MELK: variants seen among roughly 807,000 people sequenced by gnomAD.
MELK encodes maternal embryonic leucine zipper kinase, also known as pEg3 kinase.
A neutral mutation model predicts 85.0 loss-of-function variants in MELK; 81 were observed. That is an observed-to-expected ratio of 0.95 (90% CI 0.80 to 1.15). The LOEUF (loss-of-function observed/expected upper bound fraction) is 1.15, where lower values mean the gene tolerates loss of function less well. Among genes scored for constraint, MELK ranks in the 50% most tolerant of loss-of-function variants. MELK has a pLI of 0.00. For missense variants in MELK, 754 were observed against 777.5 expected (o/e 0.97, Z 0.36); for synonymous variants, 252 against 265.0 (o/e 0.95, Z 0.48).
At chr9:36,639,445 G>A (rs3780350) in intron 10 of MELK, among the ~76,000 whole-genome samples, 22,413 of 152,046 alleles carry the variant, frequency 0.15, 1,795 homozygotes, top group Non-Finnish European at 0.17. Flanking sequence ...ACGCATGATC[G>A]CCTCCTACCA....
intron 10 of MELK, among the ~76,000 whole-genome samples, chr9:36,642,194 G>A (rs2483640): frequency 0.097 from 14,812 of 152,014 alleles, 773 homozygotes; most frequent in Middle Eastern, 0.15. Context: ...GCAAAATAAC[G>A]ATCGTGTGGC....
Position 36,655,818 on chromosome 9 carries a change from G to T in MELK, c.1054-1423G>T, listed in dbSNP as rs185842971. ...CAAATGACAGTAATTGGTAATCCTGGAGAACTCTGTCATCCTTGGTTGAGA... is the reference window on the plus strand; with the variant it reads ...CAAATGACAGTAATTGGTAATCCTGTAGAACTCTGTCATCCTTGGTTGAGA... On this transcript the variant is annotated intron_variant, in intron 12 of 17. Coordinates refer to ENST00000298048, the MANE Select transcript of MELK (RefSeq NM_014791.4). Among the ~76,000 whole-genome samples the T allele has an allele frequency of 9.9e-5, 15 of 152,268 alleles. No homozygotes were observed. In the East Asian group the frequency reaches 2.5e-3, roughly 25 times the overall value.
intron 6 of MELK, among the ~76,000 whole-genome samples, chr9:36,597,649 A>T (rs952511646): frequency 1.3e-5 from 2 of 152,202 alleles, no homozygotes; most frequent in East Asian, 3.8e-4. Context: ...GTTTGTTTAG[A>T]TAAAAGTTGA....
intron 8 of MELK, among the ~76,000 whole-genome samples, chr9:36,619,764 C>A (rs1827217301): frequency 6.6e-6 from 1 of 152,198 alleles, no homozygotes; most frequent in Non-Finnish European, 1.5e-5. Flanking sequence ...AATGAAATCT[C>A]TTCTGTCTAG....
chr9:36,598,609 G>A (rs1011993358), intron 6 of MELK, among the ~76,000 whole-genome samples: 1 of 152,096 alleles, frequency 6.6e-6, no homozygotes, highest in Non-Finnish European at 1.5e-5. Context: ...ACTGCATCTA[G>A]AAAACAGACT....
chr9:36,623,437 A>G (rs997627932), intron 8 of MELK, among the ~76,000 whole-genome samples: 1 of 152,244 alleles, frequency 6.6e-6, no homozygotes, highest in Non-Finnish European at 1.5e-5. Context: ...TATTTTGGCC[A>G]GTATTTCAGC....
At chr9:36,666,117 C>G (rs946508876) in intron 14 of MELK, among the ~76,000 whole-genome samples, 12 of 152,198 alleles carry the variant, frequency 7.9e-5, no homozygotes, top group Admixed American at 7.2e-4. Flanking sequence ...CTGTCTTTGT[C>G]CAGTTATCAC....
At chr9:36,645,636 C>T (rs1396984354) in intron 11 of MELK, among the ~76,000 whole-genome samples, 2 of 152,140 alleles carry the variant, frequency 1.3e-5, no homozygotes, top group Non-Finnish European at 2.9e-5. Context: ...AGATTCTCAC[C>T]TTGGCTGTAT....
intron 3 of MELK, among the ~76,000 whole-genome samples, chr9:36,587,617 C>T (rs937852591): frequency 3.3e-5 from 5 of 149,930 alleles, no homozygotes; most frequent in Non-Finnish European, 7.4e-5. Flanking sequence ...AGAGCCCCCC[C>T]GCCTTTTTTT....
At position 36,630,330 on chromosome 9, in the gene MELK, C is replaced by T. The variant is rs1365177589; in HGVS notation, c.698C>T (p.Ser233Phe). The change falls in exon 9 of 18, where the codon TCT becomes TTT. Residue 233 changes from serine (S) to phenylalanine (F), a missense_variant. Ser to Phe is a radical substitution (Grantham distance 155). Coordinates refer to ENST00000298048, the MANE Select transcript of MELK (RefSeq NM_014791.4). ...RGKYDVPKWL[S>F]PSSILLLQQM... ...AAATATGATGTTCCCAAGTGGCTCT[C>T]TCCCAGTAGCATTCTGCTTCTTCAA... is the stretch of plus-strand genomic sequence containing the variant. 6.2e-7 allele frequency: 1 copy of T among 1,612,296 alleles called. No homozygotes were observed. Among genetic ancestry groups the T allele is most frequent in the Non-Finnish European group, 8.5e-7 (1 of 1,178,970 alleles).
intron 1 of MELK, among the ~76,000 whole-genome samples, chr9:36,574,013 G>A (rs748735015): frequency 6.6e-6 from 1 of 152,142 alleles, no homozygotes; most frequent in Non-Finnish European, 1.5e-5. Flanking sequence ...AGTATCAGGA[G>A]CCTGGATTGT....
At chr9:36,656,664 A>G (rs1239239531) in intron 12 of MELK, among the ~76,000 whole-genome samples, 1 of 150,550 alleles carries the variant, frequency 6.6e-6, no homozygotes, top group Admixed American at 6.6e-5. Flanking sequence ...GTCTCGCTGT[A>G]TTACCCAGGC....
At position 36,589,307 on chromosome 9, in the gene MELK, C is replaced by G. The variant is rs1046618290; in HGVS notation, c.145-229C>G. Among the ~76,000 whole-genome samples, 6 of 152,220 alleles carry G rather than the reference C, an allele frequency of 3.9e-5. No individual in the cohort carries two copies. In the South Asian group the frequency reaches 1.0e-3, roughly 26 times the overall value. ...GGGACTACAGGCTCCTGCCACCACG[C>G]CCGGCTAATTTTTTTGTAGTTTTAG... On this transcript the variant is annotated intron_variant, in intron 3 of 17. Transcript: ENST00000298048.
At chr9:36,578,495 G>T (rs576004413) in intron 1 of MELK, among the ~76,000 whole-genome samples, 3 of 152,164 alleles carry the variant, frequency 2.0e-5, no homozygotes, top group Admixed American at 2.0e-4. Flanking sequence ...AGTTTGCTGC[G>T]CAAGAGAAAC....
intron 8 of MELK, among the ~76,000 whole-genome samples, chr9:36,624,812 G>T (rs1432403914): frequency 1.3e-5 from 2 of 152,148 alleles, no homozygotes; most frequent in African/African-American, 4.8e-5. Flanking sequence ...GATAGTTTCA[G>T]AATTTAAAGG....
At chr9:36,592,607 A>G (rs1587357542) in intron 4 of MELK, among the ~76,000 whole-genome samples, 1 of 152,164 alleles carries the variant, frequency 6.6e-6, no homozygotes, top group East Asian at 1.9e-4. Flanking sequence ...GTGTGACACA[A>G]ATGGTCACAA....
intron 8 of MELK, among the ~76,000 whole-genome samples, chr9:36,611,270 G>A (rs1006416266): frequency 1.3e-5 from 2 of 152,100 alleles, no homozygotes; most frequent in African/African-American, 2.4e-5. Flanking sequence ...GGTGTAACAC[G>A]GAATATTACA....
At chr9:36,624,430 T>C (rs1224924975) in intron 8 of MELK, among the ~76,000 whole-genome samples, 1 of 152,182 alleles carries the variant, frequency 6.6e-6, no homozygotes, top group African/African-American at 2.4e-5. Flanking sequence ...TACAAGCCCA[T>C]GGAGCCAGTA....
intron 8 of MELK, among the ~76,000 whole-genome samples, chr9:36,618,900 A>C (rs1024428129): frequency 6.6e-6 from 1 of 152,206 alleles, no homozygotes; most frequent in Non-Finnish European, 1.5e-5. Flanking sequence ...ATAGATAGAA[A>C]ATTAATATAA....
Sources: allele counts gnomAD v4.1 joint callset (sites outside exome capture counted in the v4.1 genomes callset), GRCh38; gene constraint gnomAD v4.1.1; transcripts MANE v1.5; gene names NCBI Gene and HGNC (gene_info 2026-07-23, HGNC 2026-07-21).